The following ENPP2 variants were observed in gnomAD, a reference collection of about 807,000 sequenced individuals.
ENPP2 encodes the protein ectonucleotide pyrophosphatase/phosphodiesterase 2, also known as autotaxin.
A neutral mutation model predicts 120.2 loss-of-function variants in ENPP2; 51 were observed. That is an observed-to-expected ratio of 0.42 (90% confidence interval 0.34 to 0.54). ENPP2 has a LOEUF of 0.54. Ranked by LOEUF, ENPP2 falls within the 20% of genes least tolerant of loss-of-function variation. The pLI is 0.04. For synonymous variants in ENPP2, 365 were observed against 366.4 expected, an observed-to-expected ratio of 1.00 and a Z score of 0.04; for missense variants, 920 against 1,066.5, an observed-to-expected ratio of 0.86 and a Z score of 1.91.
chr8:119,633,918 C>A (rs768949587), intron 2 of ENPP2, among the ~76,000 whole-genome samples: 2 of 151,078 alleles, frequency 1.3e-5, no homozygotes, highest in African/African-American at 2.5e-5. Flanking sequence ...CTCGGTGACT[C>A]ATGCCTGTAA....
chr8:119,569,994 C>T (rs1452373147), intron 20 of ENPP2, among the ~76,000 whole-genome samples: 2 of 152,022 alleles, frequency 1.3e-5, no homozygotes, highest in Non-Finnish European at 1.5e-5. Flanking sequence ...CAGGGCCAGG[C>T]GTGGTGGCTC....
intron 23 of ENPP2, among the ~76,000 whole-genome samples, chr8:119,563,851 TA>T (rs1476068975): frequency 6.6e-6 from 1 of 152,010 alleles, no homozygotes; most frequent in Non-Finnish European, 1.5e-5. Context: ...TCTGTATTTA[TA>T]AAATAGCAAT....
chr8:119,594,291 C>T (rs2130481393), intron 11 of ENPP2, among the ~76,000 whole-genome samples: 1 of 152,266 alleles, frequency 6.6e-6, no homozygotes, highest in African/African-American at 2.4e-5. Context: ...AGGTTAAAAT[C>T]ACAACGTTGC....
At chr8:119,599,997 ACT>A (rs1209625500) in intron 11 of ENPP2, among the ~76,000 whole-genome samples, 1 of 134,682 alleles carries the variant, frequency 7.4e-6, no homozygotes, top group African/African-American at 3.0e-5. Context: ...ACGGAGCAAG[ACT>A]CTGTCTCAAA....
rs748379667 is a variant in ENPP2, at chr8:119,616,268, T to C, written c.774A>G (p.Gln258=). Residue 258 remains glutamine (Q), a synonymous_variant, in exon 8 of 25, where the codon CAA becomes CAG. Coordinates refer to ENST00000075322, the MANE Select transcript of ENPP2 (RefSeq NM_001040092.3). The stretch of plus-strand genomic sequence containing the variant: ...ACACAATAAATGCAAAACTTACCGG[T>C]TGACCTCCCCACCATCTATGATTAA... ...EKFNHRWWGG[Q]PLWITATKQG... is the part of the protein sequence containing the mutation. 2 of 1,600,924 alleles carry C rather than the reference T, an allele frequency of 1.2e-6. No individual in the cohort carries two copies. Among genetic ancestry groups the C allele is most frequent in the East Asian group, 2.2e-5 (1 of 44,710 alleles).
At chr8:119,656,021 T>C (rs1817757280) in intron 1 of ENPP2, among the ~76,000 whole-genome samples, 1 of 152,208 alleles carries the variant, frequency 6.6e-6, no homozygotes, top group East Asian at 1.9e-4. Context: ...CAGCTGCAGG[T>C]TGGAGCCACT....
chr8:119,615,761 G>C (rs1338148120), intron 8 of ENPP2, among the ~76,000 whole-genome samples: 1 of 152,122 alleles, frequency 6.6e-6, no homozygotes, highest in African/African-American at 2.4e-5. Context: ...TATTGGGGAA[G>C]TCACAGTCAT....
chr8:119,638,512 T>G lies in ENPP2; in HGVS notation c.49A>C (p.Thr17Pro). 1 of 1,590,664 alleles carries G rather than the reference T, an allele frequency of 6.3e-7. No homozygotes were observed. Among genetic ancestry groups the G allele is most frequent in the Admixed American group, 1.7e-5 (1 of 59,988 alleles). ...CAGATATTGACTCCAACGGCAAAAG[T>G]GAACAGGGATATTATCTAAGAGAAT... The part of the protein sequence containing the change: ...FQSCQIISLF[T>P]FAVGVNICLG... The change falls in exon 2 of 25, where the codon ACT (threonine) becomes CCT (proline). Residue 17 changes from threonine (T) to proline (P), a missense_variant. Transcript: ENST00000075322.
chr8:119,600,532 A>T lies in ENPP2; in HGVS notation c.972+146T>A, dbSNP rs1320010014. Reference sequence around the variant, plus strand: ...AGGTCGTTTTAAGATTTTTTAAAAAATTTTTAGTCTTGTAGTTATTTGACT... The same window carrying T: ...AGGTCGTTTTAAGATTTTTTAAAAATTTTTTAGTCTTGTAGTTATTTGACT... On this transcript the variant is annotated intron_variant, in intron 11 of 24. Coordinates refer to ENST00000075322, the MANE Select transcript of ENPP2 (RefSeq NM_001040092.3). The T allele has an allele frequency of 1.1e-5, 6 of 540,176 alleles. 1 individual carries two copies. The East Asian group carries it at 1.5e-4, about 14-fold the overall frequency. The allele number at this position is 540,176 out of a possible 1,614,324, so 33.5% of individuals were successfully genotyped here. A position where few individuals can be genotyped will look rare whatever the true frequency, so the allele number is the denominator to read the frequency against.
intron 10 of ENPP2, 22 bp from the exon 11 acceptor site, chr8:119,600,772 C>A: frequency 7.0e-7 from 1 of 1,421,314 alleles, no homozygotes; most frequent in South Asian, 1.2e-5. Context: ...TTGGAAGGTT[C>A]AGAATCTCTC....
chr8:119,646,849 C>G (rs1007211043), intron 1 of ENPP2, among the ~76,000 whole-genome samples: 3 of 152,118 alleles, frequency 2.0e-5, no homozygotes, highest in African/African-American at 7.2e-5. Context: ...GCCTAGAATG[C>G]CCTTCTCCAC....
chr8:119,561,545 A>T (rs1285699692), intron 24 of ENPP2, among the ~76,000 whole-genome samples: 1 of 152,110 alleles, frequency 6.6e-6, no homozygotes, highest in African/African-American at 2.4e-5. Flanking sequence ...AAAGGACCTG[A>T]AGGTTTTTCC....
chr8:119,637,112 C>T (rs1378355075), intron 2 of ENPP2, among the ~76,000 whole-genome samples: 1 of 152,164 alleles, frequency 6.6e-6, no homozygotes, highest in Admixed American at 6.5e-5. Context: ...TCTCAAGTTG[C>T]TAGCTTTCCC....
At chr8:119,589,541 T>C (rs1318002407) in intron 13 of ENPP2, among the ~76,000 whole-genome samples, 5 of 152,184 alleles carry the variant, frequency 3.3e-5, no homozygotes, top group South Asian at 2.1e-4. Flanking sequence ...AGGGGTGCCA[T>C]AGTGACTGCA....
chr8:119,641,585 T>A (rs1236368798), upstream of ENPP2, among the ~76,000 whole-genome samples: 1 of 152,238 alleles, frequency 6.6e-6, no homozygotes. Flanking sequence ...GAAGAAAACC[T>A]AGAACTAGAA....
At chr8:119,616,633 T>C (rs1419651685) in intron 7 of ENPP2, among the ~76,000 whole-genome samples, 1 of 152,196 alleles carries the variant, frequency 6.6e-6, no homozygotes, top group Non-Finnish European at 1.5e-5. Context: ...TTTTTTCTGC[T>C]GTAATTTAAG....
intron 9 of ENPP2, among the ~76,000 whole-genome samples, chr8:119,603,468 G>A (rs1030846113): frequency 6.6e-6 from 1 of 152,178 alleles, no homozygotes; most frequent in Non-Finnish European, 1.5e-5. Context: ...AAAAGTGCCA[G>A]CTATGAGGCC....
At position 119,617,449 on chromosome 8, in the gene ENPP2, G is replaced by T; in HGVS notation, c.577+17C>A. ...CCTAGATTACAGATAAGAACACAGA[G>T]TATGGAAATTACTTACTTAGTTTTT... On this transcript the variant is annotated intron_variant, in intron 6 of 24. Transcript: ENST00000075322. 1.3e-6 allele frequency: 2 copies of T among 1,522,706 alleles called. No homozygotes were observed. Among genetic ancestry groups the T allele is most frequent in the Non-Finnish European group, 1.8e-6 (2 of 1,100,208 alleles). The allele number at this position is 1,522,706 out of a possible 1,614,324, so 94.3% of individuals were successfully genotyped here. A position where few individuals can be genotyped will look rare whatever the true frequency, so the allele number is the denominator to read the frequency against.
At position 119,570,477 on chromosome 8, in the gene ENPP2, A is replaced by G. The variant is rs928445733; in HGVS notation, c.1917+228T>C. On this transcript the variant is annotated intron_variant, in intron 20 of 24. Transcript: ENST00000075322. ...TGACTTAGGCAGAGTAAAAGAAAAT[A>G]AAAGAATTAGTGATCTACCTTCAAA... Among the ~76,000 whole-genome samples the G allele has an allele frequency of 4.6e-5, 7 of 152,216 alleles. No individual in the cohort carries two copies. In the South Asian group the frequency reaches 1.2e-3, roughly 27 times the overall value.
Sources: gnomAD v4.1 joint callset for allele counts (sites outside exome capture counted in the v4.1 genomes callset) on GRCh38, gnomAD v4.1.1 for gene constraint, MANE v1.5 for transcripts, NCBI Gene and HGNC (gene_info 2026-07-23, HGNC 2026-07-21) for gene names.